Variants in CDK7 observed in about 807,000 individuals in gnomAD.
The protein encoded by CDK7 is cyclin-dependent kinase 7.
In CDK7, 25 loss-of-function variants were observed where a neutral mutation model predicts 49.1. The observed-to-expected ratio is 0.51, with a 90% CI of 0.37 to 0.71. The LOEUF is 0.71. Ranked by LOEUF, CDK7 falls within the 30% of genes least tolerant of loss-of-function variation. CDK7 has a pLI of 0.00. For synonymous variants in CDK7, 107 were observed against 140.0 expected (o/e 0.76, Z 1.67); for missense variants, 316 against 411.7 (o/e 0.77, Z 2.01).
At chr5:69,256,573 T>C (rs1253908787) in intron 5 of CDK7, among the ~76,000 whole-genome samples, 1 of 151,934 alleles carries the variant, frequency 6.6e-6, no homozygotes, top group Non-Finnish European at 1.5e-5. Context: ...ACTCTTGACC[T>C]CTGGCGATCT....
intron 5 of CDK7, 98 bp downstream of exon 5, chr5:69,255,626 A>T: frequency 1.1e-6 from 1 of 891,548 alleles, no homozygotes; most frequent in Non-Finnish European, 1.9e-6. Context: ...GTAGTAAAAG[A>T]AAAAAAGCTT....
At chr5:69,236,215 T>C (rs1320918302) in intron 2 of CDK7, among the ~76,000 whole-genome samples, 2 of 149,270 alleles carry the variant, frequency 1.3e-5, no homozygotes, top group East Asian at 3.9e-4. Context: ...TGCTCCAGCC[T>C]GGTGACAGAG....
intron 8 of CDK7, among the ~76,000 whole-genome samples, chr5:69,262,668 CAAA>C (rs35645434): frequency 8.8e-6 from 1 of 113,580 alleles, no homozygotes; most frequent in African/African-American, 3.5e-5. Context: ...GGCTCCATCT[CAAA>C]AAAAAAAAAA....
intron 5 of CDK7, among the ~76,000 whole-genome samples, chr5:69,257,159 G>A (rs1750542906): frequency 2.6e-5 from 4 of 152,180 alleles, no homozygotes; most frequent in Non-Finnish European, 4.4e-5. Flanking sequence ...CAGATCAGCG[G>A]TTATGGGGGC....
chr5:69,261,624 G>A (rs1421590162), intron 7 of CDK7, among the ~76,000 whole-genome samples: 5 of 151,918 alleles, frequency 3.3e-5, no homozygotes, highest in African/African-American at 7.3e-5. Context: ...TCTGCCTCCC[G>A]GGTTCAAGCA....
chr5:69,273,903 GGATA>G (rs778588023), intron 10 of CDK7, among the ~76,000 whole-genome samples: 1 of 152,130 alleles, frequency 6.6e-6, no homozygotes, highest in Non-Finnish European at 1.5e-5. Flanking sequence ...ATGGATGGAA[GGATA>G]GATAGATATA....
At chr5:69,251,237 A>G (rs969782983) in intron 2 of CDK7, among the ~76,000 whole-genome samples, 4 of 151,752 alleles carry the variant, frequency 2.6e-5, no homozygotes, top group African/African-American at 9.7e-5. Flanking sequence ...AGCTGGGACT[A>G]CAGGCGTGTG....
intron 2 of CDK7, among the ~76,000 whole-genome samples, chr5:69,251,548 T>TTTG (rs1561355823): frequency 2.6e-5 from 4 of 151,900 alleles, no homozygotes; most frequent in Admixed American, 6.6e-5. Context: ...GTTTTTGTTT[T>TTTG]TTTGTTTGTT....
At chr5:69,268,281 G>T (rs1751293900) in intron 8 of CDK7, among the ~76,000 whole-genome samples, 1 of 152,130 alleles carries the variant, frequency 6.6e-6, no homozygotes, top group Admixed American at 6.5e-5. Flanking sequence ...TTGTTTATGT[G>T]TATCAGCACT....
intron 6 of CDK7, 64 bp from the exon 7 acceptor site, chr5:69,259,754 A>C: frequency 1.0e-6 from 1 of 954,608 alleles, no homozygotes; most frequent in Non-Finnish European, 1.7e-6. Flanking sequence ...TGCCAACTAA[A>C]TGTAGCACTA....
intron 2 of CDK7, among the ~76,000 whole-genome samples, chr5:69,250,022 GAATTCTCTGACT>G (rs1430565349): frequency 6.6e-6 from 1 of 152,120 alleles, no homozygotes; most frequent in East Asian, 1.9e-4. Context: ...CAGCTATTTC[GAATTCTCTGACT>G]AAAAGGTCAC....
intron 5 of CDK7, among the ~76,000 whole-genome samples, chr5:69,256,611 G>A (rs1340977777): frequency 6.6e-6 from 1 of 152,092 alleles, no homozygotes; most frequent in Non-Finnish European, 1.5e-5. Flanking sequence ...AAAGTGCTGG[G>A]ATTATAAGCG....
chr5:69,252,270 T>C, intron 2 of CDK7, 148 bp from the exon 3 acceptor site: 1 of 608,912 alleles, frequency 1.6e-6, no homozygotes, highest in Non-Finnish European at 2.9e-6. Context: ...TCATGATTCC[T>C]ACTCTCTTTT....
At chr5:69,271,228 A>G (rs1247532265) in intron 9 of CDK7, among the ~76,000 whole-genome samples, 1 of 152,106 alleles carries the variant, frequency 6.6e-6, no homozygotes, top group Non-Finnish European at 1.5e-5. Context: ...ATGGTGTTGA[A>G]TATCTTTTCT....
intron 2 of CDK7, among the ~76,000 whole-genome samples, chr5:69,238,287 T>A (rs1368263132): frequency 3.8e-5 from 1 of 26,498 alleles, no homozygotes; most frequent in African/African-American, 1.9e-4. Flanking sequence ...TTTTTTTCCT[T>A]TTTTTTTTTT....
intron 1 of CDK7, 49 bp from the exon 2 acceptor site, chr5:69,235,345 A>G (rs1397645511): frequency 1.5e-6 from 2 of 1,378,616 alleles, no homozygotes; most frequent in East Asian, 2.3e-5. Flanking sequence ...GCAAAAAGGC[A>G]AACACAAAAA....
chr5:69,272,916 G>C lies in CDK7; in HGVS notation c.739G>C (p.Val247Leu). 6.3e-7 allele frequency: 1 copy of C among 1,590,928 alleles called. No individual in the cohort carries two copies. Among genetic ancestry groups the C allele is most frequent in the Non-Finnish European group, 8.6e-7 (1 of 1,166,966 alleles). ...GGACATGTGTAGTCTTCCAGATTAT[G>C]TGACATTTAAGAGTTTCCCTGGAAT... ...WPDMCSLPDY[V>L]TFKSFPGIPL... Residue 247 changes from valine to leucine, a missense_variant, in exon 10 of 12, where the codon GTG becomes CTG. Transcript: ENST00000256443.
chr5:69,236,954 CTTTTTTT>C (rs4053029), intron 2 of CDK7, among the ~76,000 whole-genome samples: 32 of 84,266 alleles, frequency 3.8e-4, no homozygotes, highest in African/African-American at 1.4e-3. Context: ...GCCTGGCCTT[CTTTTTTT>C]TTTTTTTTTT....
intron 3 of CDK7, among the ~76,000 whole-genome samples, chr5:69,253,476 G>A (rs1345253741): frequency 6.6e-6 from 1 of 152,046 alleles, no homozygotes; most frequent in Non-Finnish European, 1.5e-5. Context: ...ACCTTGGCCA[G>A]GCTGGTCTCG....
Sources: allele counts gnomAD v4.1 joint callset (sites outside exome capture counted in the v4.1 genomes callset), GRCh38; gene constraint gnomAD v4.1.1; transcripts MANE v1.5; gene names NCBI Gene and HGNC (gene_info 2026-07-23, HGNC 2026-07-21).